MAN1A1: variants seen among roughly 807,000 people sequenced by gnomAD.
MAN1A1 encodes the protein mannosidase alpha class 1A member 1.
MAN1A1 carries 29 observed loss-of-function variants against 70.8 expected under a neutral mutation model. That is an observed-to-expected ratio of 0.41 (90% CI 0.31 to 0.56). The LOEUF is 0.56. MAN1A1 is among the 20% of genes least tolerant of loss of function. MAN1A1 has a pLI of 0.29. For synonymous variants in MAN1A1, 349 were observed against 330.1 expected (o/e 1.06, Z -0.62); for missense variants, 747 against 841.3 (o/e 0.89, Z 1.39).
In MAN1A1 at chr6:119,348,766, C is replaced by T. The variant is rs1218147401; in HGVS notation, c.300G>A (p.Gly100=). 6.7e-6 allele frequency: 10 copies of T among 1,494,002 alleles called. No individual in the cohort carries two copies. The highest frequency in any genetic ancestry group is 2.7e-5 in the South Asian group (2 of 74,564). 92.5% of individuals were successfully genotyped at this position (1,494,002 alleles called of 1,614,324 possible). ...PGARAEDAAE[G]RARRREEGAP... is the part of the protein sequence containing the mutation. ...CCCCCTCCTCGCGGCGCCGGGCTCG[C>T]CCCTCGGCCGCGTCCTCGGCGCGCG... Residue 100 remains glycine, a synonymous_variant, in exon 2 of 13, where the codon GGG becomes GGA. Transcript: ENST00000368468.
chr6:119,204,717 T>G, intron 7 of MAN1A1, 42 bp downstream of exon 7: 1 of 1,610,108 alleles, frequency 6.2e-7, no homozygotes, highest in Non-Finnish European at 8.5e-7. Flanking sequence ...CTGTTTCTCA[T>G]AAGTGTTGCT....
chr6:119,262,310 T>C (rs1213390232), intron 5 of MAN1A1, among the ~76,000 whole-genome samples: 1 of 152,078 alleles, frequency 6.6e-6, no homozygotes, highest in East Asian at 1.9e-4. Context: ...AAATGGCTGA[T>C]AACCATGGGA....
intron 5 of MAN1A1, among the ~76,000 whole-genome samples, chr6:119,264,306 G>A (rs970795398): frequency 6.6e-6 from 1 of 152,184 alleles, no homozygotes; most frequent in Non-Finnish European, 1.5e-5. Flanking sequence ...GTTAACTCAG[G>A]TAATTCGAAA....
chr6:119,200,059 A>C (rs1470118562), intron 8 of MAN1A1, among the ~76,000 whole-genome samples: 1 of 152,222 alleles, frequency 6.6e-6, no homozygotes, highest in Non-Finnish European at 1.5e-5. Context: ...TAGAAAAGGC[A>C]GAAAGTCTTT....
intron 2 of MAN1A1, among the ~76,000 whole-genome samples, chr6:119,329,570 C>G (rs1773251395): frequency 6.6e-6 from 1 of 152,032 alleles, no homozygotes; most frequent in African/African-American, 2.4e-5. Context: ...CTTGATAGGT[C>G]AATCTACTTG....
chr6:119,287,627 T>C (rs1426971561), intron 5 of MAN1A1, among the ~76,000 whole-genome samples: 1 of 152,030 alleles, frequency 6.6e-6, no homozygotes, highest in Non-Finnish European at 1.5e-5. Flanking sequence ...CTTCTTTTTT[T>C]GTGCATTCTG....
chr6:119,263,746 C>CA (rs1215301343), intron 5 of MAN1A1, among the ~76,000 whole-genome samples: 4 of 151,456 alleles, frequency 2.6e-5, no homozygotes, highest in Admixed American at 6.6e-5. Context: ...AAACAAAATA[C>CA]AAAAAAAAGA....
intron 8 of MAN1A1, among the ~76,000 whole-genome samples, chr6:119,198,680 AATTTCAC>A (rs551860369): frequency 0.01 from 1,581 of 152,296 alleles, 21 homozygotes; most frequent in Middle Eastern, 0.044. Flanking sequence ...AGACTGACAC[AATTTCAC>A]ATTTTTGCAT....
At chr6:119,241,835 G>T (rs928207245) in intron 6 of MAN1A1, among the ~76,000 whole-genome samples, 1 of 151,980 alleles carries the variant, frequency 6.6e-6, no homozygotes, top group Non-Finnish European at 1.5e-5. Flanking sequence ...AAAAATGCCA[G>T]AATTTTATCC....
chr6:119,270,845 T>C (rs182762640), intron 5 of MAN1A1, among the ~76,000 whole-genome samples: 17 of 152,338 alleles, frequency 1.1e-4, no homozygotes, highest in East Asian at 1.9e-4. Context: ...ATCTGCGAAT[T>C]TGGGGTAAGA....
chr6:119,255,443 C>T (rs1775432208), intron 5 of MAN1A1, among the ~76,000 whole-genome samples: 1 of 152,210 alleles, frequency 6.6e-6, no homozygotes, highest in Non-Finnish European at 1.5e-5. Flanking sequence ...AGTTGATAAA[C>T]TTGCACATAA....
Position 119,244,909 on chromosome 6 carries a change from T to C in MAN1A1, c.992+3351A>G, listed in dbSNP as rs188318514. ...AGTAGAAACTCTTCCCAGGACTTAG[T>C]AAGAAATCTTTATCACAGGAGAGAC... On this transcript the variant is annotated intron_variant, in intron 6 of 12. Transcript: ENST00000368468. Among the ~76,000 whole-genome samples, 22 of 152,278 alleles carry C rather than the reference T, an allele frequency of 1.4e-4. No homozygotes were observed. The East Asian group carries it at 4.0e-3, about 28-fold the overall frequency.
Position 119,349,721 on chromosome 6 carries a change from T to G in MAN1A1, c.-402A>C. 4.1e-6 allele frequency: 4 copies of G among 985,616 alleles called. No individual in the cohort carries two copies. The South Asian group carries it at 1.9e-4, about 46-fold the overall frequency. The allele number at this position is 985,616 out of a possible 1,614,324, so 61.1% of individuals were successfully genotyped here. A position where few individuals can be genotyped will look rare whatever the true frequency, so the allele number is the denominator to read the frequency against. ...CGACCTGCGGGCGAATGGCAGCGAG[T>G]AGAGCAGCACGGTACACTCCGCCGC... On this transcript the variant is annotated 5_prime_UTR_variant, in exon 1 of 13. Transcript: ENST00000368468.
chr6:119,280,004 C>T (rs1393066180), intron 5 of MAN1A1, among the ~76,000 whole-genome samples: 1 of 152,238 alleles, frequency 6.6e-6, no homozygotes, highest in Non-Finnish European at 1.5e-5. Context: ...ATAGTATTTT[C>T]TCTTGGACTC....
rs1054901891 is a variant in MAN1A1 at position 119,177,998 on chromosome 6, A to G, written c.*1821T>C. ...TGGGAACAAAGGGCTCTTGCTATCC[A>G]TTCATTTCATTAGGTGAACTGAAGA... On this transcript the variant is annotated 3_prime_UTR_variant, in exon 13 of 13. Coordinates refer to ENST00000368468, the MANE Select transcript of MAN1A1 (RefSeq NM_005907.4). The G allele has an allele frequency of 3.9e-5, 6 of 152,106 alleles. No homozygotes were observed. Among genetic ancestry groups the G allele is most frequent in the Non-Finnish European group, 8.8e-5 (6 of 67,940 alleles). The allele number at this position is 152,106 out of a possible 1,614,324, so 9.4% of individuals were successfully genotyped here.
At chr6:119,206,232 G>C (rs1042070716) in intron 6 of MAN1A1, among the ~76,000 whole-genome samples, 1 of 152,180 alleles carries the variant, frequency 6.6e-6, no homozygotes, top group Non-Finnish European at 1.5e-5. Flanking sequence ...GGACAGGTTG[G>C]AGCCAGGTCT....
chr6:119,269,782 A>T (rs77384011), intron 5 of MAN1A1: 4,252 of 152,284 alleles, frequency 0.028, 91 homozygotes, highest in Non-Finnish European at 0.045. Flanking sequence ...TTTGAAGGTG[A>T]CCAATTATTT....
chr6:119,298,196 G>A (rs1394524422), intron 4 of MAN1A1, among the ~76,000 whole-genome samples: 2 of 152,082 alleles, frequency 1.3e-5, no homozygotes, highest in African/African-American at 4.8e-5. Flanking sequence ...AATACTTAGG[G>A]TTTTCTGCTA....
chr6:119,333,213 CA>C (rs1035608775), intron 2 of MAN1A1, among the ~76,000 whole-genome samples: 11 of 152,192 alleles, frequency 7.2e-5, no homozygotes, highest in Non-Finnish European at 1.6e-4. Context: ...ATTAAAGGTC[CA>C]CAAATATGCT....
Sources: allele counts gnomAD v4.1 joint callset (sites outside exome capture counted in the v4.1 genomes callset), GRCh38; gene constraint gnomAD v4.1.1; transcripts MANE v1.5; gene names NCBI Gene and HGNC (gene_info 2026-07-23, HGNC 2026-07-21).